RAPGEF2: variants seen among roughly 807,000 people sequenced by gnomAD.
RAPGEF2 encodes the protein Rap guanine nucleotide exchange factor 2.
A neutral mutation model predicts 186.7 loss-of-function variants in RAPGEF2; 54 were observed. That is an observed-to-expected ratio of 0.29 (90% CI 0.23 to 0.36). RAPGEF2 has a LOEUF of 0.36. Ranked by LOEUF, RAPGEF2 falls within the 10% of genes least tolerant of loss-of-function variation. RAPGEF2 has a pLI of 1.00. For missense variants in RAPGEF2, 1,532 were observed against 2,045.0 expected (o/e 0.75, Z 4.84); for synonymous variants, 712 against 705.9 (o/e 1.01, Z -0.14).
At position 159,221,245 on chromosome 4, in the gene RAPGEF2, G is replaced by A. The variant is rs1350813498; in HGVS notation, c.281+10662G>A. ...GGATGGTTTGGTGGTGGCTGCAAAG[G>A]TGAAAGGTTACAGGCTTCCACCCTT... On this transcript the variant is annotated intron_variant, in intron 4 of 29. Transcript: ENST00000691494. 2.0e-5 allele frequency among the ~76,000 whole-genome samples: 3 copies of A among 152,176 alleles called. No homozygotes were observed. In the East Asian group the frequency reaches 5.8e-4, roughly 29 times the overall value.
intron 8 of RAPGEF2, among the ~76,000 whole-genome samples, chr4:159,310,380 C>A (rs926689873): frequency 7.9e-5 from 12 of 151,972 alleles, no homozygotes; most frequent in South Asian, 2.1e-4. Flanking sequence ...TTTTAATAAG[C>A]AAAACTTTTT....
At chr4:159,164,789 A>T (rs1421655945) in intron 1 of RAPGEF2, among the ~76,000 whole-genome samples, 1 of 152,216 alleles carries the variant, frequency 6.6e-6, no homozygotes, top group Non-Finnish European at 1.5e-5. Flanking sequence ...TACAAAAATA[A>T]TAAATTTAGC....
intron 1 of RAPGEF2, among the ~76,000 whole-genome samples, chr4:159,108,654 A>T (rs904140128): frequency 6.6e-6 from 1 of 152,152 alleles, no homozygotes; most frequent in Admixed American, 6.5e-5. Context: ...TGGATGATTT[A>T]AAGAATCACA....
chr4:159,135,416 A>G (rs1016822219), intron 1 of RAPGEF2, among the ~76,000 whole-genome samples: 1 of 152,152 alleles, frequency 6.6e-6, no homozygotes, highest in Non-Finnish European at 1.5e-5. Context: ...GTATTCATTC[A>G]TCAGTTGATG....
chr4:159,245,922 A>C (rs1348900483), intron 7 of RAPGEF2, among the ~76,000 whole-genome samples: 1 of 152,140 alleles, frequency 6.6e-6, no homozygotes, highest in Non-Finnish European at 1.5e-5. Context: ...GGCTGGTGGC[A>C]ATGTTAAAAT....
chr4:159,348,274 GGATGGATGGATA>G (rs1318521587), intron 25 of RAPGEF2, among the ~76,000 whole-genome samples: 14 of 116,390 alleles, frequency 1.2e-4, no homozygotes, highest in South Asian at 5.3e-4. Flanking sequence ...ATGGATGGAT[GGATGGATGGATA>G]GATAGATAAA....
intron 1 of RAPGEF2, among the ~76,000 whole-genome samples, chr4:159,142,019 C>T (rs1742399507): frequency 2.0e-5 from 3 of 152,152 alleles, no homozygotes; most frequent in African/African-American, 7.2e-5. Context: ...TTCCCCTGTA[C>T]CTTCTGAGTG....
At chr4:159,219,502 C>T (rs1438326410) in intron 4 of RAPGEF2, among the ~76,000 whole-genome samples, 1 of 151,692 alleles carries the variant, frequency 6.6e-6, no homozygotes, top group Non-Finnish European at 1.5e-5. Flanking sequence ...ACTACAGGCA[C>T]CCGCCACCAC....
At chr4:159,333,144 T>G (rs1390876070) in intron 17 of RAPGEF2, among the ~76,000 whole-genome samples, 1 of 151,852 alleles carries the variant, frequency 6.6e-6, no homozygotes, top group Non-Finnish European at 1.5e-5. Flanking sequence ...TGCACCCGGC[T>G]AATTTTTGTA....
intron 3 of RAPGEF2, among the ~76,000 whole-genome samples, chr4:159,204,475 A>G (rs1473885949): frequency 1.3e-5 from 2 of 152,148 alleles, no homozygotes; most frequent in Non-Finnish European, 2.9e-5. Context: ...TATTTCCCTC[A>G]TGCCCATTAT....
intron 1 of RAPGEF2, among the ~76,000 whole-genome samples, chr4:159,164,293 T>A (rs968444057): frequency 7.1e-6 from 1 of 140,742 alleles, no homozygotes; most frequent in Admixed American, 7.3e-5. Context: ...CGTGAGCCAC[T>A]GCACCCGGCT....
chr4:159,251,131 C>T (rs1044871568), intron 7 of RAPGEF2, among the ~76,000 whole-genome samples: 35 of 152,214 alleles, frequency 2.3e-4, no homozygotes, highest in Non-Finnish European at 1.5e-5. Context: ...GCCTGCCCGC[C>T]CTGCACTTGA....
chr4:159,338,560 C>A, intron 18 of RAPGEF2, 92 bp downstream of exon 18: 1 of 1,299,502 alleles, frequency 7.7e-7, no homozygotes, highest in Non-Finnish European at 1.1e-6. Flanking sequence ...CTTCATTTGG[C>A]ATGGATTATA....
At chr4:159,348,706 A>G (rs566393841) in intron 25 of RAPGEF2, among the ~76,000 whole-genome samples, 2 of 152,334 alleles carry the variant, frequency 1.3e-5, no homozygotes, top group South Asian at 2.1e-4. Context: ...GCCATATTTA[A>G]TATAATGTAG....
chr4:159,335,350 C>T (rs915127994), intron 17 of RAPGEF2, among the ~76,000 whole-genome samples: 20 of 151,928 alleles, frequency 1.3e-4, no homozygotes, highest in African/African-American at 4.6e-4. Flanking sequence ...AAGACAATTT[C>T]AGTAACAAGG....
At chr4:159,152,529 A>G (rs1281618283) in intron 1 of RAPGEF2, among the ~76,000 whole-genome samples, 1 of 152,228 alleles carries the variant, frequency 6.6e-6, no homozygotes. Context: ...TTATTGTGGA[A>G]TAATTTTAGA....
chr4:159,313,579 G>A (rs180683023), intron 8 of RAPGEF2, among the ~76,000 whole-genome samples: 1 of 152,012 alleles, frequency 6.6e-6, no homozygotes, highest in East Asian at 1.9e-4. Context: ...TCTTAAAAAA[G>A]GTATTTATTA....
chr4:159,123,720 G>A (rs976078811), intron 1 of RAPGEF2, among the ~76,000 whole-genome samples: 7 of 151,686 alleles, frequency 4.6e-5, no homozygotes, highest in African/African-American at 9.7e-5. Flanking sequence ...GGGTTTCACC[G>A]TGTTAGCCAG....
chr4:159,348,151 G>A (rs549831126), intron 25 of RAPGEF2, among the ~76,000 whole-genome samples: 13 of 151,856 alleles, frequency 8.6e-5, no homozygotes, highest in African/African-American at 2.9e-4. Flanking sequence ...AACCTGGGGG[G>A]TGGAAATTGT....
Sources: allele counts gnomAD v4.1 joint callset (sites outside exome capture counted in the v4.1 genomes callset), GRCh38; gene constraint gnomAD v4.1.1; transcripts MANE v1.5; gene names NCBI Gene and HGNC (gene_info 2026-07-23, HGNC 2026-07-21).